DNAJC1: variants seen among roughly 807,000 people sequenced by gnomAD.
DNAJC1 encodes the protein dnaJ homolog subfamily C member 1.
A neutral mutation model predicts 76.6 loss-of-function variants in DNAJC1; 58 were observed. The ratio of observed to expected loss-of-function variants is 0.76; its 90% CI spans 0.61 to 0.94. DNAJC1 has a LOEUF of 0.94. DNAJC1 is among the 40% of genes least tolerant of loss of function. The probability of loss-of-function intolerance (pLI) is 0.00; values close to 1 mark genes in which losing one functional copy is unlikely to be tolerated. For missense variants in DNAJC1, 689 were observed against 677.3 expected (o/e 1.02, Z -0.19); for synonymous variants, 258 against 267.9 (o/e 0.96, Z 0.36).
At chr10:21,856,828 C>T (rs547167556) in intron 8 of DNAJC1, among the ~76,000 whole-genome samples, 11 of 152,200 alleles carry the variant, frequency 7.2e-5, no homozygotes, top group South Asian at 4.2e-4. Context: ...CCTCTGCCTC[C>T]GGAGTTCAAG....
chr10:21,757,730 T>C (rs977261877), intron 11 of DNAJC1, among the ~76,000 whole-genome samples: 2 of 152,222 alleles, frequency 1.3e-5, no homozygotes, highest in African/African-American at 4.8e-5. Flanking sequence ...CTCGGAGCTC[T>C]GAGCTGAGCC....
intron 9 of DNAJC1, among the ~76,000 whole-genome samples, chr10:21,790,750 T>C (rs1246550588): frequency 6.6e-6 from 1 of 151,352 alleles, no homozygotes; most frequent in African/African-American, 2.4e-5. Context: ...AGAAAAAGGA[T>C]CAAATCTTAA....
chr10:21,863,547 TTAAAA>T (rs1037629114), intron 8 of DNAJC1, among the ~76,000 whole-genome samples: 4 of 151,918 alleles, frequency 2.6e-5, no homozygotes, highest in East Asian at 1.9e-4. Context: ...GACAAAAATA[TTAAAA>T]TAAAACTAAA....
chr10:21,902,493 T>TG (rs960537098), intron 7 of DNAJC1, among the ~76,000 whole-genome samples: 3 of 152,070 alleles, frequency 2.0e-5, no homozygotes, highest in African/African-American at 7.2e-5. Context: ...TTAATAGAGA[T>TG]GGGGTTTCAC....
At chr10:21,983,210 A>C (rs1183364226) in intron 1 of DNAJC1, among the ~76,000 whole-genome samples, 1 of 152,198 alleles carries the variant, frequency 6.6e-6, no homozygotes, top group Non-Finnish European at 1.5e-5. Context: ...TGAAAACCTA[A>C]ATGTCCAAAA....
chr10:21,990,654 C>T (rs1838313843), intron 1 of DNAJC1, among the ~76,000 whole-genome samples: 1 of 152,114 alleles, frequency 6.6e-6, no homozygotes, highest in Admixed American at 6.5e-5. Flanking sequence ...GGGAGTGCTA[C>T]AGAAGAGACT....
At chr10:21,966,496 A>T (rs1178671685) in intron 1 of DNAJC1, among the ~76,000 whole-genome samples, 2 of 151,850 alleles carry the variant, frequency 1.3e-5, no homozygotes, top group Non-Finnish European at 2.9e-5. Context: ...GTTAAAAAAA[A>T]AGCTGTGCCT....
chr10:21,855,042 T>G (rs1400191065), intron 8 of DNAJC1, among the ~76,000 whole-genome samples: 1 of 152,198 alleles, frequency 6.6e-6, no homozygotes, highest in African/African-American at 2.4e-5. Context: ...CCATTAATTC[T>G]TCTAGAAAAT....
At chr10:21,824,994 T>A (rs1421317543) in intron 8 of DNAJC1, among the ~76,000 whole-genome samples, 1 of 152,096 alleles carries the variant, frequency 6.6e-6, no homozygotes, top group Non-Finnish European at 1.5e-5. Flanking sequence ...CAGATTGGTC[T>A]CGAATTCCTG....
intron 1 of DNAJC1, among the ~76,000 whole-genome samples, chr10:21,939,127 G>A (rs914377513): frequency 6.6e-6 from 1 of 152,142 alleles, no homozygotes; most frequent in Non-Finnish European, 1.5e-5. Flanking sequence ...TTGACCTCGT[G>A]ATTCACCTAC....
At chr10:21,926,260 C>CTTTT (rs774374066) in intron 3 of DNAJC1, among the ~76,000 whole-genome samples, 10 of 134,734 alleles carry the variant, frequency 7.4e-5, no homozygotes, top group African/African-American at 2.7e-4. Flanking sequence ...CCAGCCTTTC[C>CTTTT]TTTTTTTTTT....
chr10:21,834,650 A>C (rs1835419817), intron 8 of DNAJC1, among the ~76,000 whole-genome samples: 1 of 152,204 alleles, frequency 6.6e-6, no homozygotes, highest in Non-Finnish European at 1.5e-5. Flanking sequence ...ACGGACTTAA[A>C]AAACGGCACA....
intron 9 of DNAJC1, among the ~76,000 whole-genome samples, chr10:21,790,255 TA>T: frequency 6.6e-6 from 1 of 150,884 alleles, no homozygotes; most frequent in South Asian, 2.1e-4. Flanking sequence ...GAAAAAGGCA[TA>T]AAAAACCTAT....
chr10:21,964,760 T>C (rs946421673), intron 1 of DNAJC1, among the ~76,000 whole-genome samples: 28 of 152,006 alleles, frequency 1.8e-4, no homozygotes, highest in African/African-American at 6.7e-4. Context: ...ACTGTCTTCA[T>C]TGTGTTCTTT....
At chr10:21,790,465 A>G (rs535756207) in intron 9 of DNAJC1, among the ~76,000 whole-genome samples, 1 of 151,202 alleles carries the variant, frequency 6.6e-6, no homozygotes, top group East Asian at 2.0e-4. Context: ...CTCCAGAGAA[A>G]CCTTGCAAGC....
At chr10:21,985,678 G>A (rs1838234093) in intron 1 of DNAJC1, among the ~76,000 whole-genome samples, 1 of 152,100 alleles carries the variant, frequency 6.6e-6, no homozygotes, top group Non-Finnish European at 1.5e-5. Flanking sequence ...TCCATGTTGT[G>A]GTTTATCCCA....
chr10:21,985,983 T>C (rs996216995), intron 1 of DNAJC1, among the ~76,000 whole-genome samples: 4 of 151,884 alleles, frequency 2.6e-5, no homozygotes, highest in Non-Finnish European at 5.9e-5. Context: ...ATCCCAGCAC[T>C]CTGGGAAGCC....
At chr10:21,817,159 CAAAAAAAAA>C (rs1194285168) in intron 8 of DNAJC1, among the ~76,000 whole-genome samples, 7 of 59,908 alleles carry the variant, frequency 1.2e-4, no homozygotes, top group Admixed American at 7.3e-4. Flanking sequence ...GATTCCGTCT[CAAAAAAAAA>C]AAAAAAAAAA....
At chr10:21,972,464 T>G (rs930603277) in intron 1 of DNAJC1, among the ~76,000 whole-genome samples, 17 of 152,022 alleles carry the variant, frequency 1.1e-4, no homozygotes, top group Non-Finnish European at 1.5e-5. Flanking sequence ...ACAATATAAC[T>G]TTCTTCTCAA....
Sources: gnomAD v4.1 joint callset for allele counts (sites outside exome capture counted in the v4.1 genomes callset) on GRCh38, gnomAD v4.1.1 for gene constraint, MANE v1.5 for transcripts, NCBI Gene and HGNC (gene_info 2026-07-23, HGNC 2026-07-21) for gene names.